LINGO2: variants seen among roughly 807,000 people sequenced by gnomAD.
LINGO2 encodes the protein leucine-rich repeat and immunoglobulin-like domain-containing nogo receptor-interacting protein 2.
Under a neutral mutation model 30.6 loss-of-function variants are expected in LINGO2, and 14 were observed. The ratio of observed to expected loss-of-function variants is 0.46; its 90% confidence interval spans 0.30 to 0.72. The LOEUF (loss-of-function observed/expected upper bound fraction) is 0.72, where lower values mean the gene tolerates loss of function less well. Among genes scored for constraint, LINGO2 ranks in the 30% least tolerant of loss-of-function variants. The pLI is 0.07. For synonymous variants in LINGO2, 317 were observed against 288.5 expected, an observed-to-expected ratio of 1.10 and a Z score of -1.00; for missense variants, 729 against 751.7, an observed-to-expected ratio of 0.97 and a Z score of 0.35.
intron 4 of LINGO2, among the ~76,000 whole-genome samples, chr9:28,037,373 A>C (rs1823988467): frequency 6.6e-6 from 1 of 152,122 alleles, no homozygotes; most frequent in African/African-American, 2.4e-5. Context: ...CTATTTCAGA[A>C]CTTTTCACAC....
intron 1 of LINGO2, among the ~76,000 whole-genome samples, chr9:28,651,521 C>A (rs1331736635): frequency 6.6e-6 from 1 of 152,084 alleles, no homozygotes; most frequent in Non-Finnish European, 1.5e-5. Flanking sequence ...AAGCCAGCCA[C>A]CATGTCCATC....
At chr9:28,100,883 G>A (rs1399803927) in intron 4 of LINGO2, among the ~76,000 whole-genome samples, 2 of 152,060 alleles carry the variant, frequency 1.3e-5, no homozygotes, top group African/African-American at 2.4e-5. Context: ...TTTCATGTTT[G>A]CTCTTATTCG....
chr9:28,900,940 T>C, the LINGO2 span, among the ~76,000 whole-genome samples: 6 of 152,036 alleles, frequency 3.9e-5, no homozygotes, highest in Admixed American at 6.6e-5. Flanking sequence ...AAGTAAGAAA[T>C]TGGACAGAAA....
At chr9:28,611,474 A>T (rs78216528) in intron 1 of LINGO2, among the ~76,000 whole-genome samples, 4,402 of 152,134 alleles carry the variant, frequency 0.029, 191 homozygotes, top group African/African-American at 0.098. Flanking sequence ...TGCACATCAG[A>T]TCTCCAGAAC....
At chr9:28,023,953 A>G (rs916976853) in intron 4 of LINGO2, among the ~76,000 whole-genome samples, 18 of 152,154 alleles carry the variant, frequency 1.2e-4, no homozygotes, top group Admixed American at 9.2e-4. Flanking sequence ...GCATCTGTCC[A>G]GGGAAGCGAA....
chr9:28,393,430 C>A (rs1260568385), intron 2 of LINGO2, among the ~76,000 whole-genome samples: 1 of 152,196 alleles, frequency 6.6e-6, no homozygotes, highest in African/African-American at 2.4e-5. Flanking sequence ...GTAAACCAGA[C>A]TGAACAGGCA....
At chr9:29,072,611 T>TTATATATATATATATATATATATATA in the LINGO2 span, among the ~76,000 whole-genome samples, 326 of 140,280 alleles carry the variant, frequency 2.3e-3, 9 homozygotes, top group East Asian at 0.014. Context: ...TGTCTCTCTT[T>TTATATATATATATATATATATATATA]GATATATATA....
chr9:28,110,140 G>A (rs1162177046), intron 4 of LINGO2, among the ~76,000 whole-genome samples: 1 of 152,148 alleles, frequency 6.6e-6, no homozygotes, highest in Non-Finnish European at 1.5e-5. Context: ...AACAAGCAAT[G>A]GGGAAAAATT....
At chr9:29,150,186 G>A in the LINGO2 span, among the ~76,000 whole-genome samples, 1 of 152,130 alleles carries the variant, frequency 6.6e-6, no homozygotes, top group Non-Finnish European at 1.5e-5. Context: ...TTCATTGTCT[G>A]TGAATACTAG....
chr9:28,709,100 T>C, the LINGO2 span, among the ~76,000 whole-genome samples: 1 of 152,128 alleles, frequency 6.6e-6, no homozygotes, highest in Non-Finnish European at 1.5e-5. Context: ...ACCTGAAAAA[T>C]ACCTTGTTCC....
chr9:29,103,774 T>C, the LINGO2 span, among the ~76,000 whole-genome samples: 1 of 152,148 alleles, frequency 6.6e-6, no homozygotes, highest in African/African-American at 2.4e-5. Context: ...CAGACCCACA[T>C]TTCATGGTCA....
chr9:28,541,957 A>G (rs1244469509), intron 1 of LINGO2, among the ~76,000 whole-genome samples: 2 of 152,142 alleles, frequency 1.3e-5, no homozygotes, highest in Non-Finnish European at 2.9e-5. Flanking sequence ...TGCCTCCATA[A>G]TATGACTGCA....
intron 2 of LINGO2, among the ~76,000 whole-genome samples, chr9:28,436,954 G>A (rs1175064018): frequency 6.6e-6 from 1 of 152,132 alleles, no homozygotes; most frequent in Non-Finnish European, 1.5e-5. Flanking sequence ...TTTAATAAAG[G>A]AAAGGGGCCA....
intron 4 of LINGO2, among the ~76,000 whole-genome samples, chr9:28,210,060 C>G (rs1430803922): frequency 6.6e-6 from 1 of 151,710 alleles, no homozygotes; most frequent in Non-Finnish European, 1.5e-5. Flanking sequence ...TTCCTTTACC[C>G]TTTAAAGAGG....
At chr9:28,633,753 G>A (rs369838772) in intron 1 of LINGO2, among the ~76,000 whole-genome samples, 1 of 152,144 alleles carries the variant, frequency 6.6e-6, no homozygotes, top group South Asian at 2.1e-4. Context: ...TGTTGGCTTA[G>A]CCTAACATCT....
At chr9:29,188,014 CTTTTTTTT>C in the LINGO2 span, among the ~76,000 whole-genome samples, 1 of 75,782 alleles carries the variant, frequency 1.3e-5, no homozygotes, top group Non-Finnish European at 2.5e-5. Context: ...TTGACAGAGT[CTTTTTTTT>C]TTTTTTTTTT....
At chr9:28,746,804 G>A in the LINGO2 span, among the ~76,000 whole-genome samples, 3 of 152,034 alleles carry the variant, frequency 2.0e-5, no homozygotes, top group African/African-American at 7.3e-5. Flanking sequence ...CCATCAGCCT[G>A]TGTTAGAGTT....
At chr9:28,729,560 G>A in the LINGO2 span, among the ~76,000 whole-genome samples, 54,768 of 151,590 alleles carry the variant, frequency 0.36, 11,278 homozygotes, top group African/African-American at 0.55. Context: ...AACATTCCAA[G>A]AACAAGTAAC....
intron 4 of LINGO2, among the ~76,000 whole-genome samples, chr9:28,242,824 T>C (rs1411796432): frequency 6.6e-6 from 1 of 152,142 alleles, no homozygotes; most frequent in Non-Finnish European, 1.5e-5. Context: ...ATATTCGACA[T>C]TCTTAAAGAA....
Sources: gnomAD v4.1 joint callset for allele counts (sites outside exome capture counted in the v4.1 genomes callset) on GRCh38, gnomAD v4.1.1 for gene constraint, MANE v1.5 for transcripts, NCBI Gene and HGNC (gene_info 2026-07-23, HGNC 2026-07-21) for gene names.